The following HNRNPUL1 variants were observed in gnomAD, a reference collection of about 807,000 sequenced individuals.
HNRNPUL1 encodes the protein heterogeneous nuclear ribonucleoprotein U-like protein 1.
HNRNPUL1 carries 14 observed loss-of-function variants against 108.5 expected under a neutral mutation model. That is an observed-to-expected ratio of 0.13 (90% confidence interval 0.09 to 0.20). The LOEUF is 0.20. Ranked by LOEUF, HNRNPUL1 falls within the 10% of genes least tolerant of loss-of-function variation. The pLI, the probability that HNRNPUL1 is intolerant of heterozygous loss-of-function variation, is 1.00. For synonymous variants in HNRNPUL1, 422 were observed against 445.2 expected (o/e 0.95, Z 0.66); for missense variants, 804 against 1,168.3 (o/e 0.69, Z 4.55).
At chr19:41,266,673 T>C (rs1236561746) in intron 1 of HNRNPUL1, among the ~76,000 whole-genome samples, 2 of 151,778 alleles carry the variant, frequency 1.3e-5, no homozygotes, top group Non-Finnish European at 2.9e-5. Flanking sequence ...GCGTAAGAGT[T>C]TGTGGAGTTT....
intron 2 of HNRNPUL1, among the ~76,000 whole-genome samples, chr19:41,269,781 G>A (rs145695146): frequency 1.1e-4 from 16 of 152,182 alleles, no homozygotes; most frequent in East Asian, 1.9e-4. Flanking sequence ...CAGCCTGGGC[G>A]ACAGGAAGAC....
intron 13 of HNRNPUL1, 123 bp from the exon 14 acceptor site, chr19:41,305,553 T>C (rs548071361): frequency 1.7e-6 from 2 of 1,187,710 alleles, no homozygotes; most frequent in Admixed American, 1.8e-5. Flanking sequence ...CAATGTCCAC[T>C]AGGCAAGGGA....
chr19:41,287,157 A>G (rs1200163580), intron 7 of HNRNPUL1, among the ~76,000 whole-genome samples: 1 of 151,844 alleles, frequency 6.6e-6, no homozygotes, highest in African/African-American at 2.4e-5. Flanking sequence ...CTGGGATCAC[A>G]GGTGCACACC....
At chr19:41,301,887 T>A (rs1352990717) in intron 11 of HNRNPUL1, 183 bp downstream of exon 11, 2 of 613,426 alleles carry the variant, frequency 3.3e-6, no homozygotes, top group Non-Finnish European at 5.5e-6. Context: ...CCCATCTGTC[T>A]TATGTTGGGG....
chr19:41,289,405 T>C (rs1423244404), intron 7 of HNRNPUL1, among the ~76,000 whole-genome samples: 1 of 152,050 alleles, frequency 6.6e-6, no homozygotes, highest in Admixed American at 6.5e-5. Flanking sequence ...CAGCAAACCA[T>C]AAAGAGTATG....
chr19:41,302,658 C>T lies in HNRNPUL1; in HGVS notation c.1688-7C>T. ...TTGTTCTCTTTGGGGCACTTCCTTC[C>T]TCCTAGCCAACTTCACGTTGCCAGA... On this transcript the variant is annotated splice_region_variant and splice_polypyrimidine_tract_variant and intron_variant, in intron 11 of 14. Coordinates refer to ENST00000392006, the MANE Select transcript of HNRNPUL1 (RefSeq NM_007040.6). The T allele has an allele frequency of 1.2e-6, 2 of 1,614,176 alleles. No individual in the cohort carries two copies. The highest frequency in any genetic ancestry group is 1.7e-6 in the Non-Finnish European group (2 of 1,180,014).
chr19:41,280,047 A>G (rs2035813243), intron 6 of HNRNPUL1, among the ~76,000 whole-genome samples: 1 of 152,186 alleles, frequency 6.6e-6, no homozygotes, highest in African/African-American at 2.4e-5. Flanking sequence ...AACTTATTGC[A>G]AATTTTTGCT....
rs988908623 is a variant in HNRNPUL1, at chr19:41,294,403, C to A, written c.1332C>A (p.Ser444=). The A allele has an allele frequency of 6.2e-7, 1 of 1,614,142 alleles. No individual in the cohort carries two copies. The highest frequency in any genetic ancestry group is 8.5e-7 in the Non-Finnish European group (1 of 1,180,024). ...CATGGGCCATCAAACATGCAGCCTC[C>A]AACCCTTCCAAGAAGTACAACATCC... is the stretch of plus-strand genomic sequence containing the variant. The part of the protein sequence containing the change: ...KTTWAIKHAA[S]NPSKKYNILG... Residue 444 remains serine (S), a synonymous_variant, in exon 9 of 15, where the codon TCC becomes TCA. Coordinates refer to ENST00000392006, the MANE Select transcript of HNRNPUL1 (RefSeq NM_007040.6). This position sits in a 1 kb window ranked among gnomAD's most constrained non-coding sequence, Gnocchi z 4.3.
At chr19:41,300,084 CA>C (rs906636056) in intron 10 of HNRNPUL1, among the ~76,000 whole-genome samples, 1 of 152,148 alleles carries the variant, frequency 6.6e-6, no homozygotes, top group African/African-American at 2.4e-5. Context: ...CGCTTCCTGT[CA>C]AGGTGTCTTC....
rs2036619387 is a variant in HNRNPUL1, at chr19:41,292,170, C to G, written c.1000-75C>G. 2.7e-6 allele frequency: 4 copies of G among 1,472,626 alleles called. No individual in the cohort carries two copies. Among genetic ancestry groups the G allele is most frequent in the Admixed American group, 1.7e-5 (1 of 58,266 alleles). 91.2% of individuals were successfully genotyped at this position (1,472,626 alleles called of 1,614,324 possible). On this transcript the variant is annotated intron_variant, in intron 7 of 14. Transcript: ENST00000392006. The surrounding 1 kb of genome is among the most constrained non-coding windows in gnomAD (Gnocchi z 4.1). ...GCTGTCCACATTCTACTCCCTGCATCTACTGTCCTCACATTTGACTCCCAG... is the reference window on the plus strand; with the variant it reads ...GCTGTCCACATTCTACTCCCTGCATGTACTGTCCTCACATTTGACTCCCAG...
At chr19:41,269,060 G>A (rs757111286) in intron 2 of HNRNPUL1, among the ~76,000 whole-genome samples, 20 of 151,834 alleles carry the variant, frequency 1.3e-4, no homozygotes, top group Non-Finnish European at 2.2e-4. Flanking sequence ...TTAGCCAAAT[G>A]TGTCTGGAAA....
intron 5 of HNRNPUL1, among the ~76,000 whole-genome samples, chr19:41,277,986 G>T (rs2035673578): frequency 6.7e-6 from 1 of 150,046 alleles, no homozygotes. Context: ...ACTGTATCTT[G>T]GACATTTTTC....
chr19:41,305,559 A>G, intron 13 of HNRNPUL1, 117 bp from the exon 14 acceptor site: 1 of 1,259,484 alleles, frequency 7.9e-7, no homozygotes, highest in Non-Finnish European at 1.1e-6. Context: ...CCACTAGGCA[A>G]GGGAAGGGCC....
intron 10 of HNRNPUL1, among the ~76,000 whole-genome samples, chr19:41,295,113 C>G (rs1157763646): frequency 1.3e-5 from 2 of 152,198 alleles, no homozygotes; most frequent in Non-Finnish European, 2.9e-5. Flanking sequence ...GGACCTGGCA[C>G]TTAGTAGCTG....
At chr19:41,279,657 A>T (rs1392883169) in intron 6 of HNRNPUL1, among the ~76,000 whole-genome samples, 1 of 152,208 alleles carries the variant, frequency 6.6e-6, no homozygotes, top group Non-Finnish European at 1.5e-5. Flanking sequence ...CCAGGCTTCA[A>T]TGACCTTCTG....
intron 7 of HNRNPUL1, among the ~76,000 whole-genome samples, chr19:41,283,389 T>G (rs553638382): frequency 2.6e-5 from 4 of 152,340 alleles, no homozygotes; most frequent in African/African-American, 9.6e-5. Context: ...CAAGTGATTC[T>G]TGTGCCTCAG....
intron 6 of HNRNPUL1, among the ~76,000 whole-genome samples, chr19:41,279,832 C>G (rs1259409696): frequency 6.6e-6 from 1 of 152,216 alleles, no homozygotes; most frequent in African/African-American, 2.4e-5. Context: ...GAGAAACTAA[C>G]CAATGTTAAC....
Position 41,274,590 on chromosome 19 carries a change from C to T in HNRNPUL1, c.646+535C>T, listed in dbSNP as rs533596028. On this transcript the variant is annotated intron_variant, in intron 4 of 14. Transcript: ENST00000392006. Reference sequence around the variant, plus strand: ...CCACTGGATAAGTGGCTTTCACCTTCACTGTGCATCTGAGCATTTGGAGGA... The same window carrying T: ...CCACTGGATAAGTGGCTTTCACCTTTACTGTGCATCTGAGCATTTGGAGGA... Among the ~76,000 whole-genome samples the T allele has an allele frequency of 3.5e-4, 54 of 152,296 alleles. 2 individuals carry two copies. In the South Asian group the frequency reaches 1.0e-2, roughly 28 times the overall value.
At chr19:41,306,220 T>C (rs1421937401) in intron 14 of HNRNPUL1, among the ~76,000 whole-genome samples, 2 of 152,188 alleles carry the variant, frequency 1.3e-5, no homozygotes, top group East Asian at 3.9e-4. Flanking sequence ...GATATCTAGC[T>C]ATACCCAAAA....
Sources: gnomAD v4.1 joint callset for allele counts (sites outside exome capture counted in the v4.1 genomes callset) on GRCh38, gnomAD v4.1.1 for gene constraint, Gnocchi (gnomAD v3.1) non-coding constraint, MANE v1.5 for transcripts, NCBI Gene and HGNC (gene_info 2026-07-23, HGNC 2026-07-21) for gene names.